STK10: variants seen among roughly 807,000 people sequenced by gnomAD.
STK10 encodes serine/threonine-protein kinase 10.
A neutral mutation model predicts 113.8 loss-of-function variants in STK10; 78 were observed. That is an observed-to-expected ratio of 0.69 (90% CI 0.57 to 0.83). The LOEUF (loss-of-function observed/expected upper bound fraction) is 0.83. Among genes scored for constraint, STK10 ranks in the 40% least tolerant of loss-of-function variants. STK10 has a pLI of 0.00. For synonymous variants in STK10, 465 were observed against 494.7 expected (o/e 0.94, Z 0.80); for missense variants, 1,109 against 1,280.1 (o/e 0.87, Z 2.04).
intron 1 of STK10, among the ~76,000 whole-genome samples, chr5:172,168,302 A>AT (rs1239943920): frequency 1.3e-5 from 2 of 152,124 alleles, no homozygotes; most frequent in Non-Finnish European, 2.9e-5. Context: ...CTGCGACTCT[A>AT]TTTAGGAGAG....
intron 12 of STK10, among the ~76,000 whole-genome samples, chr5:172,077,413 G>A (rs73319880): frequency 0.043 from 6,520 of 152,256 alleles, 501 homozygotes; most frequent in African/African-American, 0.15. Flanking sequence ...AGATTTCAGT[G>A]ATCTAAGAAG....
chr5:172,106,416 A>AAAAAAAAAAAAAAAAAAAAAAAAAAAC (rs1769110009), intron 6 of STK10, among the ~76,000 whole-genome samples: 1 of 144,848 alleles, frequency 6.9e-6, no homozygotes, highest in Non-Finnish European at 1.5e-5. Context: ...AAAAAAAAAA[A>AAAAAAAAAAAAAAAAAAAAAAAAAAAC]AAGGAACACA....
At chr5:172,128,952 T>C (rs1273358424) in intron 2 of STK10, among the ~76,000 whole-genome samples, 1 of 152,166 alleles carries the variant, frequency 6.6e-6, no homozygotes, top group African/African-American at 2.4e-5. Flanking sequence ...GCAATGTAAA[T>C]ATGACCCTGA....
chr5:172,169,375 G>T (rs1561833998), intron 1 of STK10, among the ~76,000 whole-genome samples: 1 of 152,274 alleles, frequency 6.6e-6, no homozygotes, highest in East Asian at 1.9e-4. Context: ...CGGGAAGATA[G>T]GTGGGCAGAC....
chr5:172,061,353 C>G (rs534135779), intron 13 of STK10, 85 bp from the exon 14 acceptor site: 1 of 1,479,912 alleles, frequency 6.8e-7, no homozygotes, highest in African/African-American at 1.4e-5. Context: ...GAAAAGCCCG[C>G]GTGATCAGAG....
In STK10 at chr5:172,171,837, T is replaced by C. The variant is rs552844321; in HGVS notation, c.157-15049A>G. Among the ~76,000 whole-genome samples the C allele has an allele frequency of 3.7e-4, 56 of 152,260 alleles. 2 individuals carry two copies. In the South Asian group the frequency reaches 0.011, roughly 31 times the overall value. Reference sequence around the variant, plus strand: ...GGCCACAAATATATTCTTCCATACTTTACAAAATTGGGATTAAACTGTATA... The same window carrying C: ...GGCCACAAATATATTCTTCCATACTCTACAAAATTGGGATTAAACTGTATA... On this transcript the variant is annotated intron_variant, in intron 1 of 18. Coordinates refer to ENST00000176763, the MANE Select transcript of STK10 (RefSeq NM_005990.4).
Position 172,187,895 on chromosome 5 carries a change from C to T in STK10, c.148G>A (p.Val50Ile). The T allele has an allele frequency of 6.2e-7, 1 of 1,613,228 alleles. No individual in the cohort carries two copies. Among genetic ancestry groups the T allele is most frequent in the Non-Finnish European group, 8.5e-7 (1 of 1,179,692 alleles). ...GELGDGAFGKVYKAKNKETGA... is the reference protein window; with the variant it reads ...GELGDGAFGKIYKAKNKETGA... ...CACCTCAGCGCCCTCACCTTGTAAA[C>T]CTTGCCGAAGGCGCCGTCGCCCAGC... The change falls in exon 1 of 19, where the codon GTT becomes ATT. Residue 50 changes from valine (V) to isoleucine (I), a missense_variant. By Grantham distance (29) the Val-to-Ile change is conservative (BLOSUM62 3). Coordinates refer to ENST00000176763, the MANE Select transcript of STK10 (RefSeq NM_005990.4). The surrounding 1 kb of genome is among the most constrained non-coding windows in gnomAD (Gnocchi z 4.6).
intron 9 of STK10, among the ~76,000 whole-genome samples, chr5:172,092,269 C>CG (rs1348887893): frequency 1.3e-5 from 2 of 152,188 alleles, no homozygotes; most frequent in African/African-American, 2.4e-5. Flanking sequence ...CTCCTAGTCA[C>CG]GCCAGGGGGT....
chr5:172,066,389 T>C (rs1768070012), intron 12 of STK10, among the ~76,000 whole-genome samples: 1 of 151,650 alleles, frequency 6.6e-6, no homozygotes, highest in Non-Finnish European at 1.5e-5. Flanking sequence ...AGTAGTGCAG[T>C]AGAAAAGCTG....
Position 172,090,357 on chromosome 5 carries a change from C to A in STK10, c.1560G>T (p.Pro520=), listed in dbSNP as rs148086376. The change falls in exon 10 of 19, where the codon CCG becomes CCT. Residue 520 remains proline, a synonymous_variant. Coordinates refer to ENST00000176763, the MANE Select transcript of STK10 (RefSeq NM_005990.4). The part of the protein sequence containing the change: ...KEMGSLSIKD[P]KLYKKTLKRT... ...GCTTGAGGGTTTTTTTGTACAGTTT[C>A]GGGTCCTGGCCAGGGAAAACCATTA... The A allele has an allele frequency of 6.2e-7, 1 of 1,613,590 alleles. No individual in the cohort carries two copies. Among genetic ancestry groups the A allele is most frequent in the East Asian group, 2.2e-5 (1 of 44,850 alleles).
intron 1 of STK10, among the ~76,000 whole-genome samples, chr5:172,160,112 G>A (rs1429419617): frequency 2.6e-5 from 4 of 151,514 alleles, no homozygotes; most frequent in African/African-American, 9.7e-5. Flanking sequence ...CTCCAGCTTG[G>A]GCGACAGAGT....
intron 2 of STK10, among the ~76,000 whole-genome samples, chr5:172,152,680 C>T (rs1002598321): frequency 5.3e-5 from 8 of 152,128 alleles, no homozygotes; most frequent in Non-Finnish European, 4.4e-5. Flanking sequence ...TACTGGGAAA[C>T]GTTTAAGAAT....
Position 172,175,702 on chromosome 5 carries a change from G to A in STK10, c.156+12185C>T, listed in dbSNP as rs566581696. 2.6e-5 allele frequency among the ~76,000 whole-genome samples: 4 copies of A among 152,308 alleles called. No homozygotes were observed. The South Asian group carries it at 8.3e-4, about 32-fold the overall frequency. ...GGGCACAGAGACCACAAGGCCAAGA[G>A]TAGACACCGCACTGAAGCGACCGTG... On this transcript the variant is annotated intron_variant, in intron 1 of 18. Coordinates refer to ENST00000176763, the MANE Select transcript of STK10 (RefSeq NM_005990.4).
At chr5:172,083,680 G>A (rs1481486440) in intron 10 of STK10, among the ~76,000 whole-genome samples, 1 of 152,112 alleles carries the variant, frequency 6.6e-6, no homozygotes, top group Non-Finnish European at 1.5e-5. Flanking sequence ...GGCCAAAGCA[G>A]AAGAATCACC....
Position 172,106,756 on chromosome 5 carries a change from C to T in STK10, c.652G>A (p.Ala218Thr). 6.2e-7 allele frequency: 1 copy of T among 1,614,174 alleles called. No homozygotes were observed. The highest frequency in any genetic ancestry group is 8.5e-7 in the Non-Finnish European group (1 of 1,180,032). ...TMKDTPYDYK[A>T]DIWSLGITLI... ...GTGATGCCCAGGGACCAGATGTCGG[C>T]TTTGTAGTCGTAGGGCGTGTCTTTC... Residue 218 changes from alanine (A) to threonine (T), a missense_variant, in exon 6 of 19, where the codon GCC (alanine) becomes ACC (threonine). Ala to Thr is a moderately conservative substitution (Grantham distance 58). This residue lies in a region of STK10 where 885 missense variants were observed against 991.1 expected (regional missense o/e 0.89). Coordinates refer to ENST00000176763, the MANE Select transcript of STK10 (RefSeq NM_005990.4).
intron 18 of STK10, among the ~76,000 whole-genome samples, chr5:172,047,509 C>T (rs1352127307): frequency 6.6e-6 from 1 of 152,124 alleles, no homozygotes; most frequent in Non-Finnish European, 1.5e-5. Flanking sequence ...AAAGTCCCAG[C>T]AGACCATGGT....
At chr5:172,065,464 A>T (rs1383557011) in intron 12 of STK10, among the ~76,000 whole-genome samples, 1 of 152,032 alleles carries the variant, frequency 6.6e-6, no homozygotes, top group African/African-American at 2.4e-5. Context: ...ACCTCAAGTG[A>T]TCTGCCTGCC....
chr5:172,062,223 C>A (rs777775566), intron 13 of STK10, among the ~76,000 whole-genome samples: 1 of 152,030 alleles, frequency 6.6e-6, no homozygotes, highest in East Asian at 1.9e-4. Context: ...AGTGATCCAC[C>A]CGCCTCGGCC....
At chr5:172,048,705 C>G (rs564797401) in intron 18 of STK10, among the ~76,000 whole-genome samples, 1 of 152,334 alleles carries the variant, frequency 6.6e-6, no homozygotes, top group African/African-American at 2.4e-5. Context: ...TCTGCCTCCA[C>G]TCTTGACCCC....
Sources: gnomAD v4.1 joint callset for allele counts (sites outside exome capture counted in the v4.1 genomes callset) on GRCh38, gnomAD v4.1.1 for gene constraint, gnomAD v4.1.1 regional missense constraint, Gnocchi (gnomAD v3.1) non-coding constraint, MANE v1.5 for transcripts, NCBI Gene and HGNC (gene_info 2026-07-23, HGNC 2026-07-21) for gene names.